Variants in EXD3 observed in about 807,000 individuals in gnomAD.
The protein encoded by EXD3 is exonuclease mut-7 homolog.
In EXD3, 92 loss-of-function variants were observed where a neutral mutation model predicts 98.0. That is an observed-to-expected ratio of 0.94 (90% CI 0.79 to 1.12). The LOEUF is 1.12. Ranked by LOEUF, EXD3 falls within the 50% of genes most tolerant of loss-of-function variation. EXD3 has a pLI of 0.00. For synonymous variants in EXD3, 569 were observed against 526.0 expected (o/e 1.08, Z -1.12); for missense variants, 1,222 against 1,191.6 (o/e 1.03, Z -0.38).
rs1030368877 is a variant in EXD3, at chr9:137,341,111, T to A, written c.1998+6960A>T. ...CAGGAGGGTCGCTCGAGGCCAGGAG[T>A]TCAAGACCAGCCTGGACAACATAGC... On this transcript the variant is annotated intron_variant, in intron 17 of 21. Transcript: ENST00000340951. 4.0e-5 allele frequency among the ~76,000 whole-genome samples: 6 copies of A among 151,250 alleles called. No homozygotes were observed. The East Asian group carries it at 9.7e-4, about 24-fold the overall frequency.
intron 1 of EXD3, among the ~76,000 whole-genome samples, chr9:137,402,749 G>A (rs947371475): frequency 3.3e-5 from 5 of 152,072 alleles, no homozygotes; most frequent in East Asian, 1.9e-4. Context: ...GCGTTAGCCC[G>A]TTTTCACGCT....
At chr9:137,417,863 G>C (rs1838312314) in intron 1 of EXD3, among the ~76,000 whole-genome samples, 1 of 152,148 alleles carries the variant, frequency 6.6e-6, no homozygotes, top group South Asian at 2.1e-4. Flanking sequence ...GGGGAGGAAA[G>C]GACAGAGCCT....
chr9:137,330,427 T>C (rs1832984344), intron 17 of EXD3, among the ~76,000 whole-genome samples: 1 of 130,522 alleles, frequency 7.7e-6, no homozygotes, highest in Non-Finnish European at 1.6e-5. Context: ...ACACAGGAGC[T>C]ACACAGGACT....
intron 5 of EXD3, among the ~76,000 whole-genome samples, chr9:137,370,127 G>A (rs1835515341): frequency 6.6e-6 from 1 of 152,166 alleles, no homozygotes; most frequent in African/African-American, 2.4e-5. Context: ...TGGGGGGCTG[G>A]GGGGTGGCTA....
chr9:137,379,740 T>G (rs886260101), intron 3 of EXD3, among the ~76,000 whole-genome samples: 1 of 151,984 alleles, frequency 6.6e-6, no homozygotes, highest in Non-Finnish European at 1.5e-5. Context: ...TGGCTCTGAT[T>G]TGGGGTGCGC....
Position 137,349,030 on chromosome 9 carries a change from C to T in EXD3, c.1830+80G>A. On this transcript the variant is annotated intron_variant, in intron 16 of 21. Transcript: ENST00000340951. The surrounding 1 kb of genome is among the most constrained non-coding windows in gnomAD (Gnocchi z 7.4). ...ACGCTCTGACCCAGTGGCCTTGTCT[C>T]CATGCAGGTCCTTGGTTTATGGACA... The T allele has an allele frequency of 1.4e-6, 2 of 1,465,304 alleles. 1 individual carries two copies. The highest frequency in any genetic ancestry group is 2.8e-5 in the South Asian group (2 of 72,542). The allele number at this position is 1,465,304 out of a possible 1,614,324, so 90.8% of individuals were successfully genotyped here. A position where few individuals can be genotyped will look rare whatever the true frequency, so the allele number is the denominator to read the frequency against.
At chr9:137,363,632 T>G (rs1835092915) in intron 7 of EXD3, among the ~76,000 whole-genome samples, 1 of 151,994 alleles carries the variant, frequency 6.6e-6, no homozygotes, top group Non-Finnish European at 1.5e-5. Flanking sequence ...AGCCACTGCA[T>G]CCAACCATGG....
intron 2 of EXD3, among the ~76,000 whole-genome samples, chr9:137,389,668 G>A (rs948280741): frequency 6.6e-6 from 1 of 152,138 alleles, no homozygotes; most frequent in Non-Finnish European, 1.5e-5. Context: ...GAGAGGGACA[G>A]TGAGACCAGC....
At chr9:137,372,020 T>G (rs938375808) in intron 5 of EXD3, among the ~76,000 whole-genome samples, 1 of 152,090 alleles carries the variant, frequency 6.6e-6, no homozygotes, top group African/African-American at 2.4e-5. Flanking sequence ...CTAGACCTGG[T>G]CTTCCTCTTG....
chr9:137,381,764 G>T (rs1836284682), intron 3 of EXD3, among the ~76,000 whole-genome samples: 1 of 152,174 alleles, frequency 6.6e-6, no homozygotes, highest in African/African-American at 2.4e-5. Context: ...ACCATATGGG[G>T]GTCCCCAAGA....
intron 19 of EXD3, among the ~76,000 whole-genome samples, chr9:137,316,374 GCCGAGACAC>G (rs1831661205): frequency 6.6e-6 from 1 of 152,032 alleles, no homozygotes; most frequent in Non-Finnish European, 1.5e-5. Context: ...TGTGCAGGGG[GCCGAGACAC>G]CCTCCTTCCC....
intron 10 of EXD3, chr9:137,353,720 CTG>C (rs1482136333): frequency 2.9e-4 from 282 of 985,760 alleles, no homozygotes; most frequent in Middle Eastern, 1.0e-3. Context: ...CCGCAAGGTC[CTG>C]GAGTCCATGG....
intron 3 of EXD3, among the ~76,000 whole-genome samples, chr9:137,379,711 C>G (rs948351774): frequency 6.6e-6 from 1 of 152,002 alleles, no homozygotes; most frequent in Non-Finnish European, 1.5e-5. Flanking sequence ...ATAAAGCATT[C>G]GATGAAGCCG....
chr9:137,334,190 C>G (rs140779552), intron 17 of EXD3, among the ~76,000 whole-genome samples: 3 of 152,116 alleles, frequency 2.0e-5, no homozygotes, highest in African/African-American at 7.2e-5. Context: ...TTAGTGGAGA[C>G]GGGGTTTCAC....
intron 6 of EXD3, 81 bp downstream of exon 6, chr9:137,367,855 A>G: frequency 7.2e-7 from 1 of 1,396,902 alleles, no homozygotes; most frequent in Non-Finnish European, 9.9e-7. Flanking sequence ...TGGACTCCCG[A>G]CCTCCAACAA....
At chr9:137,333,686 AC>A (rs1833213461) in intron 17 of EXD3, among the ~76,000 whole-genome samples, 1 of 151,754 alleles carries the variant, frequency 6.6e-6, no homozygotes, top group African/African-American at 2.4e-5. Context: ...TGACATGCAA[AC>A]TCTTGCTTTG....
At chr9:137,370,910 C>T (rs886184916) in intron 5 of EXD3, among the ~76,000 whole-genome samples, 2 of 152,170 alleles carry the variant, frequency 1.3e-5, no homozygotes, top group Non-Finnish European at 2.9e-5. Context: ...CAGGGCCAGC[C>T]GCTGCCCTCG....
intron 1 of EXD3, among the ~76,000 whole-genome samples, chr9:137,414,548 G>A (rs1257107147): frequency 6.6e-6 from 1 of 152,174 alleles, no homozygotes; most frequent in East Asian, 1.9e-4. Context: ...TTCCACAGTG[G>A]ACGTGCCATT....
chr9:137,394,066 C>G (rs1837080369), intron 2 of EXD3, among the ~76,000 whole-genome samples: 1 of 152,206 alleles, frequency 6.6e-6, no homozygotes, highest in Admixed American at 6.5e-5. Flanking sequence ...GCAGCTGAGG[C>G]TCGGGCTGAC....
Sources: allele counts gnomAD v4.1 joint callset (sites outside exome capture counted in the v4.1 genomes callset), GRCh38; gene constraint gnomAD v4.1.1; non-coding constraint Gnocchi (gnomAD v3.1); transcripts MANE v1.5; gene names NCBI Gene and HGNC (gene_info 2026-07-23, HGNC 2026-07-21).